Variants in PPP1R11 observed in about 807,000 individuals in gnomAD.
The protein encoded by PPP1R11 is E3 ubiquitin-protein ligase PPP1R11.
In PPP1R11, 10 loss-of-function variants were observed where a neutral mutation model predicts 11.3. That is an observed-to-expected ratio of 0.88 (90% CI 0.55 to 1.50). PPP1R11 has a LOEUF of 1.50. Ranked by LOEUF, PPP1R11 falls within the 40% of genes most tolerant of loss-of-function variation. The pLI is 0.00. For missense variants in PPP1R11, 114 were observed against 179.1 expected (o/e 0.64, Z 2.07); for synonymous variants, 56 against 62.3 (o/e 0.90, Z 0.48).
intron 1 of PPP1R11, 30 bp downstream of exon 1, chr6:30,067,509 A>G (rs530955490): frequency 1.7e-4 from 272 of 1,603,312 alleles, no homozygotes; most frequent in Non-Finnish European, 2.2e-4. Flanking sequence ...GGTGCTGTTT[A>G]GGGGTCTGGG....
At chr6:30,061,756 T>C (rs1308440825), upstream of PPP1R11, 2 of 1,588,556 alleles carry the variant, frequency 1.3e-6, no homozygotes, top group African/African-American at 2.7e-5. This position sits in a 1 kb window ranked among gnomAD's most constrained non-coding sequence, Gnocchi z 5.0. Context: ...GAGGAGGGGA[T>C]CCTAGAGCAG....
chr6:30,064,824 T>C (rs1765378922), upstream of PPP1R11: 1 of 734,010 alleles, frequency 1.4e-6, no homozygotes, highest in Admixed American at 2.8e-5. Context: ...CAGATCATCA[T>C]GTGGGGATTA....
the PPP1R11 span, chr6:30,061,707 C>T: frequency 6.2e-7 from 1 of 1,610,766 alleles, no homozygotes; most frequent in Non-Finnish European, 8.5e-7. This position sits in a 1 kb window ranked among gnomAD's most constrained non-coding sequence, Gnocchi z 5.0. Context: ...GCGGAGGGCG[C>T]AGGGTCGGAA....
intron 2 of PPP1R11, among the ~76,000 whole-genome samples, 189 bp downstream of exon 2, chr6:30,068,887 C>T (rs934604569): frequency 6.6e-6 from 1 of 152,010 alleles, no homozygotes; most frequent in Admixed American, 6.6e-5. Context: ...GGTCTGACAG[C>T]AAGAAGTGTC....
the PPP1R11 span, chr6:30,061,447 A>C: frequency 6.5e-7 from 1 of 1,543,656 alleles, no homozygotes; most frequent in Non-Finnish European, 8.9e-7. The surrounding 1 kb of genome is among the most constrained non-coding windows in gnomAD (Gnocchi z 5.0). Context: ...CCTGGGACAG[A>C]ATAGTTACGA....
upstream of PPP1R11, among the ~76,000 whole-genome samples, chr6:30,063,458 CTTAA>C (rs960106731): frequency 8.6e-5 from 13 of 151,464 alleles, no homozygotes; most frequent in African/African-American, 2.4e-4. This position sits in a 1 kb window ranked among gnomAD's most constrained non-coding sequence, Gnocchi z 4.1. Flanking sequence ...TTCAAATCTC[CTTAA>C]TTTTTAAATA....
At position 30,067,346 on chromosome 6, in the gene PPP1R11, C is replaced by T; in HGVS notation, c.-65C>T. ...CGATACCGCTTCTCTTAGACCTCAGCGACAGAAAAAGGGAAGGGTGTCTCA... is the reference window on the plus strand; with the variant it reads ...CGATACCGCTTCTCTTAGACCTCAGTGACAGAAAAAGGGAAGGGTGTCTCA... On this transcript the variant is annotated 5_prime_UTR_variant, in exon 1 of 3. Transcript: ENST00000376772. 1 of 1,504,102 alleles carries T rather than the reference C, an allele frequency of 6.6e-7. No individual in the cohort carries two copies. Among genetic ancestry groups the T allele is most frequent in the Non-Finnish European group, 9.2e-7 (1 of 1,083,962 alleles). The allele number at this position is 1,504,102 out of a possible 1,614,324, so 93.2% of individuals were successfully genotyped here.
rs1192528763 is a variant in PPP1R11 at position 30,069,481 on chromosome 6, T to G, written c.*175T>G. On this transcript the variant is annotated 3_prime_UTR_variant, in exon 3 of 3. Transcript: ENST00000376772. This position sits in a 1 kb window ranked among gnomAD's most constrained non-coding sequence, Gnocchi z 6.6. ...CTATTCCAGAACCCAGCCTCCTGGG[T>G]TTCCCCAGTCCTCATTTTTCCTCCC... 1.8e-6 allele frequency: 1 copy of G among 563,360 alleles called. No homozygotes were observed. 34.9% of individuals were successfully genotyped at this position (563,360 alleles called of 1,614,324 possible). A position where few individuals can be genotyped will look rare whatever the true frequency, so the allele number is the denominator to read the frequency against.
At chr6:30,064,218 A>G (rs905142650), upstream of PPP1R11, among the ~76,000 whole-genome samples, 4 of 152,282 alleles carry the variant, frequency 2.6e-5, no homozygotes, top group Non-Finnish European at 5.9e-5. Context: ...CCATCTCATC[A>G]AAGGATTAAA....
chr6:30,069,079 A>G lies in PPP1R11; in HGVS notation c.179-25A>G. On this transcript the variant is annotated intron_variant, in intron 2 of 2. Transcript: ENST00000376772. The surrounding 1 kb of genome is among the most constrained non-coding windows in gnomAD (Gnocchi z 6.6). The stretch of plus-strand genomic sequence containing the variant: ...TATATCTTACCCTTCCTCCTCTTTA[A>G]CTGGGCTCCTCCCTCTAAATCTAGG... The G allele has an allele frequency of 6.4e-7, 1 of 1,553,700 alleles. No individual in the cohort carries two copies. Among genetic ancestry groups the G allele is most frequent in the Non-Finnish European group, 8.9e-7 (1 of 1,127,352 alleles).
chr6:30,062,320 T>G (rs1156767044), upstream of PPP1R11: 3 of 1,610,506 alleles, frequency 1.9e-6, no homozygotes, highest in Non-Finnish European at 1.7e-6. Context: ...CTTCTACACC[T>G]GTACCAACTG....
intron 1 of PPP1R11, 41 bp from the exon 2 acceptor site, chr6:30,068,549 A>T: frequency 6.5e-7 from 1 of 1,541,498 alleles, no homozygotes; most frequent in African/African-American, 1.4e-5. Context: ...AAAGGTTAGT[A>T]AGAGGGGACT....
At chr6:30,068,496 A>G in intron 1 of PPP1R11, 94 bp from the exon 2 acceptor site, 1 of 973,060 alleles carries the variant, frequency 1.0e-6, no homozygotes, top group South Asian at 1.5e-5. Flanking sequence ...GTACTGATTG[A>G]GCTAAAGAAG....
chr6:30,064,718 A>G (rs1048412), upstream of PPP1R11: 199,931 of 1,605,336 alleles, frequency 0.12, 15,601 homozygotes, highest in African/African-American at 0.27. Flanking sequence ...GGGCAACTCT[A>G]CAGTCCCTCC....
In PPP1R11 at chr6:30,069,963, G is replaced by A. The variant is rs1292648187; in HGVS notation, c.*657G>A. The A allele has an allele frequency of 6.6e-6, 1 of 152,156 alleles. No individual in the cohort carries two copies. The highest frequency in any genetic ancestry group is 1.5e-5 in the Non-Finnish European group (1 of 68,034). 9.4% of individuals were successfully genotyped at this position (152,156 alleles called of 1,614,324 possible). On this transcript the variant is annotated 3_prime_UTR_variant, in exon 3 of 3. Coordinates refer to ENST00000376772, the MANE Select transcript of PPP1R11 (RefSeq NM_021959.3). The surrounding 1 kb of genome is among the most constrained non-coding windows in gnomAD (Gnocchi z 6.6). ...CCTTCTCCTGTTATTTAGGATTTCT[G>A]ACAAAGCTGGCTTGAGATTGGTCAC...
chr6:30,069,053 AT>A lies in PPP1R11; in HGVS notation c.179-50del. 6.7e-7 allele frequency: 1 copy of A among 1,498,030 alleles called. No homozygotes were observed. The highest frequency in any genetic ancestry group is 9.3e-7 in the Non-Finnish European group (1 of 1,078,680). 92.8% of individuals were successfully genotyped at this position (1,498,030 alleles called of 1,614,324 possible). A position where few individuals can be genotyped will look rare whatever the true frequency, so the allele number is the denominator to read the frequency against. ...AGTTTGAGTGGGAATGGAACTGACT[AT>A]ATATCTTACCCTTCCTCCTCTTTAA... On this transcript the variant is annotated intron_variant, in intron 2 of 2. Coordinates refer to ENST00000376772, the MANE Select transcript of PPP1R11 (RefSeq NM_021959.3). This position sits in a 1 kb window ranked among gnomAD's most constrained non-coding sequence, Gnocchi z 6.6.
At chr6:30,067,084 T>A, upstream of PPP1R11, 1 of 346,474 alleles carries the variant, frequency 2.9e-6, no homozygotes, top group Non-Finnish European at 5.3e-6. Flanking sequence ...CCAAATTTGT[T>A]TCTCTTTCTT....
At chr6:30,064,835 C>G, upstream of PPP1R11, 1 of 664,180 alleles carries the variant, frequency 1.5e-6, no homozygotes, top group Non-Finnish European at 2.5e-6. Context: ...GTGGGGATTA[C>G]CATTGTTCCT....
At chr6:30,067,923 G>C (rs1431324971) in intron 1 of PPP1R11, among the ~76,000 whole-genome samples, 1 of 152,146 alleles carries the variant, frequency 6.6e-6, no homozygotes, top group Non-Finnish European at 1.5e-5. Context: ...AACAAGAAAA[G>C]GAGATGAAAA....
Sources: allele counts gnomAD v4.1 joint callset (sites outside exome capture counted in the v4.1 genomes callset), GRCh38; gene constraint gnomAD v4.1.1; non-coding constraint Gnocchi (gnomAD v3.1); transcripts MANE v1.5; gene names NCBI Gene and HGNC (gene_info 2026-07-23, HGNC 2026-07-21).